Variants in CFAP47 observed in about 807,000 individuals in gnomAD.
The protein encoded by CFAP47 is cilia and flagella associated protein 47.
A neutral mutation model predicts 148.1 loss-of-function variants in CFAP47; 29 were observed. That is an observed-to-expected ratio of 0.20 (90% confidence interval 0.15 to 0.27). The LOEUF is 0.27. CFAP47 is among the 10% of genes least tolerant of loss of function. CFAP47 has a pLI of 1.00. For missense variants in CFAP47, 1,872 were observed against 1,697.5 expected (o/e 1.10, Z -1.81); for synonymous variants, 664 against 577.3 (o/e 1.15, Z -2.15).
At chrX:36,095,679 T>C (rs1474500766) in intron 30 of CFAP47, among the ~76,000 whole-genome samples, 1 of 111,318 alleles carries the variant, frequency 9.0e-6, no homozygotes, top group African/African-American at 3.2e-5. Flanking sequence ...TCGTAGCTAC[T>C]TGTGATCATT....
intron 46 of CFAP47, among the ~76,000 whole-genome samples, chrX:36,233,347 T>C (rs1940398704): frequency 8.9e-6 from 1 of 111,975 alleles, no homozygotes; most frequent in African/African-American, 3.3e-5. Context: ...TCTTGTTGAA[T>C]TGATCCCTTT....
At chrX:36,311,925 A>G (rs1602103721) in intron 56 of CFAP47, among the ~76,000 whole-genome samples, 1 of 111,226 alleles carries the variant, frequency 9.0e-6, no homozygotes, top group African/African-American at 3.2e-5. Context: ...GGAATGAAAT[A>G]ATTTTAAATA....
intron 49 of CFAP47, among the ~76,000 whole-genome samples, chrX:36,271,896 A>G (rs1167702926): frequency 8.9e-6 from 1 of 112,071 alleles, no homozygotes; most frequent in Non-Finnish European, 1.9e-5. Context: ...ACTCATTTTA[A>G]GAATGTACAA....
intron 39 of CFAP47, among the ~76,000 whole-genome samples, chrX:36,162,712 C>G (rs952490229): frequency 1.8e-5 from 2 of 111,438 alleles, no homozygotes; most frequent in African/African-American, 6.5e-5. Flanking sequence ...TGCCTTGCTC[C>G]CAGACTGGTG....
intron 39 of CFAP47, among the ~76,000 whole-genome samples, chrX:36,175,172 C>G (rs1213637860): frequency 6.3e-5 from 7 of 110,896 alleles, no homozygotes; most frequent in Non-Finnish European, 1.3e-4. Flanking sequence ...AAGCACTTCT[C>G]TGTATTGGTT....
At chrX:36,068,058 T>G (rs756874439) in intron 27 of CFAP47, among the ~76,000 whole-genome samples, 15 of 112,106 alleles carry the variant, frequency 1.3e-4, no homozygotes, top group Non-Finnish European at 2.6e-4. Context: ...ACCACACATG[T>G]TAGCAAGTGG....
intron 57 of CFAP47, among the ~76,000 whole-genome samples, chrX:36,336,751 AT>A (rs1941610086): frequency 8.9e-6 from 1 of 111,736 alleles, no homozygotes; most frequent in Non-Finnish European, 1.9e-5. Context: ...GACATGTATA[AT>A]TTAGTTTGAC....
intron 12 of CFAP47, 41 bp downstream of exon 12, chrX:35,971,813 C>G: frequency 1.7e-6 from 2 of 1,184,382 alleles, no homozygotes; most frequent in African/African-American, 1.8e-5. Flanking sequence ...CACGAGAATT[C>G]TTAAAATAGC....
At chrX:36,325,460 A>G (rs1245085039) in intron 57 of CFAP47, among the ~76,000 whole-genome samples, 3 of 111,883 alleles carry the variant, frequency 2.7e-5, no homozygotes, top group Non-Finnish European at 5.6e-5. Flanking sequence ...GTAAACATAT[A>G]GATCCCAGTA....
chrX:36,142,445 AT>A (rs1939159329), intron 35 of CFAP47, among the ~76,000 whole-genome samples: 1 of 111,675 alleles, frequency 9.0e-6, no homozygotes, highest in Non-Finnish European at 1.9e-5. Context: ...GACCAATACA[AT>A]TGAAGTTATT....
chrX:36,133,077 A>G (rs973084008), intron 33 of CFAP47, among the ~76,000 whole-genome samples: 1 of 111,552 alleles, frequency 9.0e-6, no homozygotes, highest in Admixed American at 9.5e-5. Flanking sequence ...GACGCCATTA[A>G]GAATAGTTGA....
Position 36,261,608 on chromosome X carries a change from A to G in CFAP47, c.7444+10164A>G, listed in dbSNP as rs782305276. 8.2e-5 allele frequency among the ~76,000 whole-genome samples: 9 copies of G among 109,168 alleles called. No homozygotes were observed. In the South Asian group the frequency reaches 3.2e-3, roughly 39 times the overall value. 94.8% of individuals were successfully genotyped at this position (109,168 alleles called of 115,157 possible). ...CCTTAATCCATTTAACTCTGAGTGG[A>G]CACAGCACATGTTTCAGAGAGCACA... On this transcript the variant is annotated intron_variant, in intron 49 of 63. Coordinates refer to ENST00000378653, the MANE Select transcript of CFAP47 (RefSeq NM_001304548.2).
chrX:35,972,883 A>C (rs1475011661), intron 13 of CFAP47, among the ~76,000 whole-genome samples: 1 of 111,201 alleles, frequency 9.0e-6, no homozygotes, highest in East Asian at 2.8e-4. Context: ...TTGTACAATA[A>C]ATTTATATCT....
intron 33 of CFAP47, among the ~76,000 whole-genome samples, chrX:36,123,574 C>T (rs190816483): frequency 1.5e-3 from 166 of 111,788 alleles, no homozygotes; most frequent in Admixed American, 1.6e-3. Context: ...ACAACCACCA[C>T]AGGCTCACAG....
chrX:36,142,820 T>C lies in CFAP47; in HGVS notation c.5536-2399T>C, dbSNP rs767890845. The stretch of plus-strand genomic sequence containing the variant: ...ACATGGTTCAAAAGACTTTGATTCA[T>C]CCCAGACTTGAGCCCAGAGTGTTCT... On this transcript the variant is annotated intron_variant, in intron 35 of 63. Coordinates refer to ENST00000378653, the MANE Select transcript of CFAP47 (RefSeq NM_001304548.2). Among the ~76,000 whole-genome samples the C allele has an allele frequency of 9.9e-5, 11 of 110,809 alleles. No homozygotes were observed. The South Asian group carries it at 4.3e-3, about 43-fold the overall frequency.
At chrX:36,250,661 A>G (rs1328412064) in intron 48 of CFAP47, among the ~76,000 whole-genome samples, 3 of 110,775 alleles carry the variant, frequency 2.7e-5, no homozygotes, top group African/African-American at 9.8e-5. Context: ...ATATCAAAAC[A>G]TCATGTTGTA....
At chrX:36,134,434 G>A (rs1054491944) in intron 33 of CFAP47, among the ~76,000 whole-genome samples, 3 of 109,970 alleles carry the variant, frequency 2.7e-5, no homozygotes, top group African/African-American at 9.9e-5. Context: ...TAGATGTGTA[G>A]ATCAAAAGAA....
intron 30 of CFAP47, among the ~76,000 whole-genome samples, chrX:36,096,917 C>T (rs1028301990): frequency 1.8e-5 from 2 of 111,069 alleles, no homozygotes; most frequent in Non-Finnish European, 3.8e-5. Context: ...TTTCTTCTTT[C>T]TTTTCTTCCT....
chrX:36,279,871 A>C, intron 49 of CFAP47, among the ~76,000 whole-genome samples: 1 of 109,312 alleles, frequency 9.1e-6, no homozygotes, highest in Middle Eastern at 4.7e-3. Context: ...CGCCTGGCTA[A>C]TTTTTGTATT....
Sources: gnomAD v4.1 joint callset for allele counts (sites outside exome capture counted in the v4.1 genomes callset) on GRCh38, gnomAD v4.1.1 for gene constraint, MANE v1.5 for transcripts, NCBI Gene and HGNC (gene_info 2026-07-23, HGNC 2026-07-21) for gene names.